HDHD2: variants seen among roughly 807,000 people sequenced by gnomAD.
The protein encoded by HDHD2 is haloacid dehalogenase-like hydrolase domain-containing protein 2.
In HDHD2, 26 loss-of-function variants were observed where a neutral mutation model predicts 24.8. That is an observed-to-expected ratio of 1.05 (90% CI 0.77 to 1.45). HDHD2 has a LOEUF of 1.45. Ranked by LOEUF, HDHD2 falls within the 40% of genes most tolerant of loss-of-function variation. The pLI is 0.00. For missense variants in HDHD2, 299 were observed against 313.4 expected, an observed-to-expected ratio of 0.95 and a Z score of 0.35; for synonymous variants, 128 against 114.9, an observed-to-expected ratio of 1.11 and a Z score of -0.73.
chr18:47,127,571 C>T (rs755742866), intron 4 of HDHD2, among the ~76,000 whole-genome samples: 3 of 151,986 alleles, frequency 2.0e-5, no homozygotes, highest in Non-Finnish European at 4.4e-5. Flanking sequence ...TGTTTGTCTT[C>T]CTCCTAATAG....
At chr18:47,118,123 G>A (rs1468367677) in intron 4 of HDHD2, among the ~76,000 whole-genome samples, 2 of 152,132 alleles carry the variant, frequency 1.3e-5, no homozygotes, top group Admixed American at 6.5e-5. Flanking sequence ...AGCCCAGGGA[G>A]CAGGGCTACC....
At chr18:47,124,886 T>C (rs552536493) in intron 4 of HDHD2, among the ~76,000 whole-genome samples, 1 of 151,558 alleles carries the variant, frequency 6.6e-6, no homozygotes, top group African/African-American at 2.4e-5. Flanking sequence ...AAACTGAGGC[T>C]GGATGCAATG....
chr18:47,116,246 C>A (rs1023709597), intron 4 of HDHD2, among the ~76,000 whole-genome samples: 1 of 152,118 alleles, frequency 6.6e-6, no homozygotes, highest in Admixed American at 6.6e-5. Flanking sequence ...TAATAGCATG[C>A]GGGACATGAT....
At chr18:47,110,173 GC>G (rs2147456125) in intron 6 of HDHD2, 2 of 985,398 alleles carry the variant, frequency 2.0e-6, no homozygotes, top group South Asian at 9.4e-5. Context: ...AAGAGGCTTT[GC>G]CAGACAAACA....
intron 6 of HDHD2, among the ~76,000 whole-genome samples, chr18:47,112,688 T>A (rs1225035494): frequency 5.3e-5 from 8 of 152,152 alleles, no homozygotes; most frequent in Non-Finnish European, 1.0e-4. Flanking sequence ...CTTTGCTTCA[T>A]CCCTCTGTGG....
intron 1 of HDHD2, among the ~76,000 whole-genome samples, chr18:47,147,793 C>T (rs1249564468): frequency 3.9e-5 from 6 of 152,148 alleles, no homozygotes; most frequent in Non-Finnish European, 5.9e-5. Flanking sequence ...CTCACCAGTT[C>T]CATAGAACGT....
intron 1 of HDHD2, among the ~76,000 whole-genome samples, chr18:47,141,495 A>C (rs535622736): frequency 1.3e-5 from 2 of 152,334 alleles, no homozygotes; most frequent in Admixed American, 1.3e-4. Flanking sequence ...TCCACCTTCT[A>C]AAAACAGGAG....
At chr18:47,144,088 C>A (rs908038956) in intron 1 of HDHD2, among the ~76,000 whole-genome samples, 2 of 151,854 alleles carry the variant, frequency 1.3e-5, no homozygotes, top group Non-Finnish European at 2.9e-5. Flanking sequence ...CACGTCTGCA[C>A]GCATGCGCAT....
chr18:47,137,087 G>T, intron 1 of HDHD2: 1 of 731,098 alleles, frequency 1.4e-6, no homozygotes, highest in Non-Finnish European at 2.6e-6. Context: ...GAAGGTGGCA[G>T]GGCAGAATGG....
intron 1 of HDHD2, among the ~76,000 whole-genome samples, chr18:47,144,203 C>T (rs1053878824): frequency 1.3e-5 from 2 of 152,186 alleles, no homozygotes; most frequent in Non-Finnish European, 2.9e-5. Flanking sequence ...TGGCTCCAAA[C>T]GTATCTGTCA....
chr18:47,137,932 C>T (rs1037897167), intron 1 of HDHD2, among the ~76,000 whole-genome samples: 2 of 151,282 alleles, frequency 1.3e-5, no homozygotes, highest in East Asian at 2.0e-4. Flanking sequence ...TTGGGAAGGC[C>T]GACGCGGGCG....
chr18:47,128,721 T>C (rs1439248130), intron 4 of HDHD2, among the ~76,000 whole-genome samples: 5 of 152,240 alleles, frequency 3.3e-5, no homozygotes, highest in Non-Finnish European at 7.3e-5. Context: ...TAAGTAGTTG[T>C]GGTTTCCATT....
intron 4 of HDHD2, among the ~76,000 whole-genome samples, chr18:47,118,707 A>T (rs991223763): frequency 6.6e-6 from 1 of 152,230 alleles, no homozygotes; most frequent in African/African-American, 2.4e-5. Context: ...AACTCTGCAC[A>T]TCCTGTACTT....
intron 6 of HDHD2, chr18:47,110,709 A>C: frequency 2.0e-6 from 2 of 985,454 alleles, no homozygotes; most frequent in Non-Finnish European, 2.4e-6. Context: ...TGATTCACTC[A>C]CTGCAGCAGC....
At chr18:47,133,637 A>G (rs1388287760) in intron 3 of HDHD2, among the ~76,000 whole-genome samples, 3 of 152,054 alleles carry the variant, frequency 2.0e-5, no homozygotes, top group Admixed American at 2.0e-4. Flanking sequence ...TCTCTCCAGC[A>G]TCTGTTGTTT....
chr18:47,128,187 A>T (rs1317481434), intron 4 of HDHD2, among the ~76,000 whole-genome samples: 1 of 152,246 alleles, frequency 6.6e-6, no homozygotes, highest in Non-Finnish European at 1.5e-5. Flanking sequence ...AGGAAAGTGT[A>T]CTAATTAGAC....
At chr18:47,120,125 A>G (rs185324825) in intron 4 of HDHD2, among the ~76,000 whole-genome samples, 4 of 152,346 alleles carry the variant, frequency 2.6e-5, no homozygotes, top group Non-Finnish European at 4.4e-5. Context: ...AGCCCCTAAC[A>G]AGATAGACTG....
At chr18:47,113,372 C>T (rs1357294790) in intron 5 of HDHD2, among the ~76,000 whole-genome samples, 2 of 152,304 alleles carry the variant, frequency 1.3e-5, no homozygotes, top group Non-Finnish European at 2.9e-5. Context: ...TGGAAAAATG[C>T]ATTCTATCCA....
In HDHD2 at chr18:47,120,262, G is replaced by A. The variant is rs189831809; in HGVS notation, c.396-4914C>T. On this transcript the variant is annotated intron_variant, in intron 4 of 6. Coordinates refer to ENST00000300605, the MANE Select transcript of HDHD2 (RefSeq NM_032124.5). The stretch of plus-strand genomic sequence containing the variant: ...TGAAAATCTGTTGTTTAGTGTAGAC[G>A]CCTTCATCAATGATCTTAGCTAGAT... Among the ~76,000 whole-genome samples, 169 of 152,274 alleles carry A rather than the reference G, an allele frequency of 1.1e-3. 4 individuals carry two copies. Among genetic ancestry groups the A allele is most frequent in the Non-Finnish European group, 1.5e-4 (10 of 68,018 alleles).
Sources: gnomAD v4.1 joint callset for allele counts (sites outside exome capture counted in the v4.1 genomes callset) on GRCh38, gnomAD v4.1.1 for gene constraint, MANE v1.5 for transcripts, NCBI Gene and HGNC (gene_info 2026-07-23, HGNC 2026-07-21) for gene names.